The following HIVEP3 variants were observed in gnomAD, a reference collection of about 807,000 sequenced individuals.
The protein encoded by HIVEP3 is transcription factor HIVEP3.
A neutral mutation model predicts 152.8 loss-of-function variants in HIVEP3; 49 were observed. That is an observed-to-expected ratio of 0.32 (90% CI 0.26 to 0.41). HIVEP3 has a LOEUF of 0.41. HIVEP3 is among the 10% of genes least tolerant of loss of function. The pLI is 1.00. For missense variants in HIVEP3, 2,790 were observed against 3,103.3 expected, an observed-to-expected ratio of 0.90 and a Z score of 2.40; for synonymous variants, 1,269 against 1,289.0, an observed-to-expected ratio of 0.98 and a Z score of 0.33.
chr1:41,564,773 A>AC (rs1407501644), intron 5 of HIVEP3, among the ~76,000 whole-genome samples: 1 of 152,252 alleles, frequency 6.6e-6, no homozygotes, highest in Non-Finnish European at 1.5e-5. Context: ...TCTGAAGAAG[A>AC]CCACACTGAA....
chr1:41,592,061 T>C (rs750687399), intron 3 of HIVEP3, among the ~76,000 whole-genome samples: 28 of 152,080 alleles, frequency 1.8e-4, no homozygotes, highest in Non-Finnish European at 3.7e-4. Context: ...GGACAGTGAG[T>C]AGCACACCTG....
chr1:41,681,089 GGTGTGTGT>G (rs35572259), intron 2 of HIVEP3, among the ~76,000 whole-genome samples: 3 of 148,242 alleles, frequency 2.0e-5, no homozygotes, highest in South Asian at 2.2e-4. Context: ...GCTAAGAACT[GGTGTGTGT>G]GTGTGTGTGT....
intron 1 of HIVEP3, among the ~76,000 whole-genome samples, chr1:41,854,916 G>A (rs531506103): frequency 3.0e-5 from 1 of 33,012 alleles, no homozygotes; most frequent in South Asian, 8.4e-4. Flanking sequence ...TCTTAATCCA[G>A]TCTATCATTG....
chr1:41,703,405 G>T (rs193250151), intron 1 of HIVEP3, among the ~76,000 whole-genome samples: 127 of 152,326 alleles, frequency 8.3e-4, no homozygotes, highest in Non-Finnish European at 1.5e-3. Flanking sequence ...GCAGGTAAAT[G>T]TATGAACTCT....
intron 1 of HIVEP3, among the ~76,000 whole-genome samples, chr1:41,877,643 T>A (rs1644192041): frequency 6.8e-6 from 1 of 147,198 alleles, no homozygotes; most frequent in Admixed American, 6.9e-5. Flanking sequence ...ACCTATCAGT[T>A]GTGAAAGGTA....
intron 5 of HIVEP3, among the ~76,000 whole-genome samples, chr1:41,565,179 G>T (rs889558153): frequency 7.9e-5 from 12 of 152,160 alleles, no homozygotes; most frequent in African/African-American, 2.9e-4. Flanking sequence ...TTACTTTATG[G>T]CTTGGCTGTG....
intron 1 of HIVEP3, among the ~76,000 whole-genome samples, chr1:41,907,791 A>G (rs555211348): frequency 1.3e-5 from 2 of 152,332 alleles, no homozygotes; most frequent in South Asian, 4.1e-4. Flanking sequence ...GAGAGTTTAT[A>G]AAGTCCCTTG....
At chr1:41,999,777 G>C (rs960000259) in intron 1 of HIVEP3, among the ~76,000 whole-genome samples, 9 of 152,184 alleles carry the variant, frequency 5.9e-5, no homozygotes, top group Admixed American at 5.2e-4. Flanking sequence ...GGAAGGCACA[G>C]AGTGGTGAAG....
At chr1:41,647,093 G>A (rs1645471864) in intron 2 of HIVEP3, among the ~76,000 whole-genome samples, 1 of 152,196 alleles carries the variant, frequency 6.6e-6, no homozygotes. Context: ...CTGGGACCTT[G>A]TGGGTAATCC....
At chr1:41,692,719 A>G (rs192563056) in intron 2 of HIVEP3, among the ~76,000 whole-genome samples, 98 of 152,316 alleles carry the variant, frequency 6.4e-4, no homozygotes, top group Middle Eastern at 3.4e-3. Flanking sequence ...TTTGGAATGG[A>G]CGTTCCATAC....
intron 1 of HIVEP3, among the ~76,000 whole-genome samples, chr1:41,969,841 G>A (rs1289204047): frequency 6.6e-6 from 1 of 151,974 alleles, no homozygotes. Flanking sequence ...GAATCTACAA[G>A]GAAGTTGAAT....
intron 5 of HIVEP3, among the ~76,000 whole-genome samples, chr1:41,544,847 C>CATCACCTCT (rs1643662719): frequency 1.1e-4 from 3 of 26,904 alleles, no homozygotes; most frequent in Admixed American, 7.0e-4. Flanking sequence ...CCACCACTAC[C>CATCACCTCT]ACCACCACCA....
At chr1:41,818,212 T>C (rs2124337973) in intron 1 of HIVEP3, among the ~76,000 whole-genome samples, 1 of 152,338 alleles carries the variant, frequency 6.6e-6, no homozygotes, top group South Asian at 2.1e-4. Flanking sequence ...TAACAGCGTA[T>C]GAAGAGACCT....
At chr1:41,603,250 T>C (rs924397006) in intron 3 of HIVEP3, among the ~76,000 whole-genome samples, 3 of 151,754 alleles carry the variant, frequency 2.0e-5, no homozygotes, top group African/African-American at 7.3e-5. Flanking sequence ...GTATCTTTAG[T>C]AGCGATGTGG....
At chr1:41,922,331 T>C (rs767179254), upstream of HIVEP3, among the ~76,000 whole-genome samples, 10 of 152,210 alleles carry the variant, frequency 6.6e-5, no homozygotes, top group Non-Finnish European at 1.5e-4. Flanking sequence ...ATAATTTCTG[T>C]AGAATTCTAA....
intron 2 of HIVEP3, among the ~76,000 whole-genome samples, chr1:41,673,458 T>A (rs76336460): frequency 2.0e-5 from 3 of 152,122 alleles, no homozygotes; most frequent in Non-Finnish European, 4.4e-5. Context: ...CCCCATTTCA[T>A]AGGAGGGGAG....
intron 1 of HIVEP3, among the ~76,000 whole-genome samples, chr1:42,018,005 T>C (rs1645533642): frequency 6.6e-6 from 1 of 152,166 alleles, no homozygotes; most frequent in Non-Finnish European, 1.5e-5. Flanking sequence ...TAGATTTAAT[T>C]TGCATTTCTC....
chr1:41,866,294 G>A (rs1643971382), intron 1 of HIVEP3, among the ~76,000 whole-genome samples: 1 of 152,238 alleles, frequency 6.6e-6, no homozygotes, highest in African/African-American at 2.4e-5. Context: ...TCAGGGACAG[G>A]GGATGCATGG....
intron 1 of HIVEP3, among the ~76,000 whole-genome samples, chr1:41,924,171 G>A (rs1302345263): frequency 2.0e-5 from 3 of 152,254 alleles, no homozygotes; most frequent in Admixed American, 6.5e-5. Context: ...TGACTACAGC[G>A]GCTGAGATTG....
Sources: gnomAD v4.1 joint callset for allele counts (sites outside exome capture counted in the v4.1 genomes callset) on GRCh38, gnomAD v4.1.1 for gene constraint, MANE v1.5 for transcripts, NCBI Gene and HGNC (gene_info 2026-07-23, HGNC 2026-07-21) for gene names.